Variants in KCNS3 observed in about 807,000 individuals in gnomAD.
KCNS3 encodes the protein potassium voltage-gated channel modifier subfamily S member 3, also known as delayed-rectifier potassium channel regulatory subunit KCNS3.
Under a neutral mutation model 31.0 loss-of-function variants are expected in KCNS3, and 13 were observed. That is an observed-to-expected ratio of 0.42 (90% CI 0.27 to 0.67). The LOEUF is 0.67. Among genes scored for constraint, KCNS3 ranks in the 30% least tolerant of loss-of-function variants. The probability of loss-of-function intolerance (pLI) is 0.25; values close to 1 mark genes in which losing one functional copy is unlikely to be tolerated. For synonymous variants in KCNS3, 238 were observed against 241.5 expected (o/e 0.99, Z 0.13); for missense variants, 545 against 622.4 (o/e 0.88, Z 1.32).
intron 2 of KCNS3, among the ~76,000 whole-genome samples, chr2:17,929,896 A>G (rs751224927): frequency 5.3e-5 from 8 of 152,122 alleles, no homozygotes; most frequent in Non-Finnish European, 7.4e-5. Flanking sequence ...CAGCTACCAT[A>G]TAGTGTTGGA....
At chr2:17,910,720 A>G (rs769391318) in intron 1 of KCNS3, among the ~76,000 whole-genome samples, 1 of 151,900 alleles carries the variant, frequency 6.6e-6, no homozygotes, top group Non-Finnish European at 1.5e-5. Context: ...TAAATCTTTC[A>G]GGAGGCCCGA....
intron 1 of KCNS3, among the ~76,000 whole-genome samples, chr2:17,907,105 T>C (rs1009111607): frequency 6.6e-6 from 1 of 152,256 alleles, no homozygotes; most frequent in Admixed American, 6.5e-5. Context: ...AGTCTCTTTG[T>C]AGATCTCTAA....
In KCNS3 at chr2:17,903,977, A is replaced by G. The variant is rs565317760; in HGVS notation, c.-251-13703A>G. The stretch of plus-strand genomic sequence containing the variant: ...TAATCCTTTGGGTATATACCCAGTA[A>G]TGGGATGGCTGGGTCAAATGGTATT... On this transcript the variant is annotated intron_variant, in intron 1 of 2. Coordinates refer to ENST00000304101, the MANE Select transcript of KCNS3 (RefSeq NM_002252.5). Among the ~76,000 whole-genome samples the G allele has an allele frequency of 8.5e-5, 13 of 152,232 alleles. No individual in the cohort carries two copies. In the South Asian group the frequency reaches 2.7e-3, roughly 32 times the overall value.
At chr2:17,894,271 G>A (rs563451313) in intron 1 of KCNS3, among the ~76,000 whole-genome samples, 2 of 152,046 alleles carry the variant, frequency 1.3e-5, no homozygotes, top group Admixed American at 6.5e-5. Context: ...ACCAGGACCG[G>A]AGCACTATAT....
In KCNS3 at chr2:17,932,765, C is replaced by T; in HGVS notation, c.*281C>T. ...TATTGGGTGGGGTTTGTGGCTACAG[C>T]TTATGCATCATTCTGTGTTTGTCAT... is the stretch of plus-strand genomic sequence containing the variant. On this transcript the variant is annotated 3_prime_UTR_variant, in exon 3 of 3. Coordinates refer to ENST00000304101, the MANE Select transcript of KCNS3 (RefSeq NM_002252.5). 3.2e-6 allele frequency: 1 copy of T among 312,062 alleles called. No individual in the cohort carries two copies. Among genetic ancestry groups the T allele is most frequent in the South Asian group, 6.7e-5 (1 of 14,930 alleles). 19.3% of individuals were successfully genotyped at this position (312,062 alleles called of 1,614,324 possible). A position where few individuals can be genotyped will look rare whatever the true frequency, so the allele number is the denominator to read the frequency against.
chr2:17,931,319 A>G lies in KCNS3; in HGVS notation c.311A>G (p.Glu104Gly). Residue 104 changes from glutamate (E) to glycine (G), a missense_variant, in exon 3 of 3, where the codon GAG becomes GGG. Coordinates refer to ENST00000304101, the MANE Select transcript of KCNS3 (RefSeq NM_002252.5). This position sits in a 1 kb window ranked among gnomAD's most constrained non-coding sequence, Gnocchi z 5.4. ...GTATTCTCATTCTGCCAGGAGATCG[A>G]GTACTGGGGCATCAACGAGCTCTTC... ...LCVFSFCQEI[E>G]YWGINELFID... 1 of 1,614,170 alleles carries G rather than the reference A, an allele frequency of 6.2e-7. No individual in the cohort carries two copies. The highest frequency in any genetic ancestry group is 8.5e-7 in the Non-Finnish European group (1 of 1,180,020).
chr2:17,907,919 G>A (rs10190042), intron 1 of KCNS3, among the ~76,000 whole-genome samples: 139,414 of 152,142 alleles, frequency 0.92, 64,058 homozygotes, highest in East Asian at 0.99. Context: ...AACTTTGGTG[G>A]ATCTGACAAT....
At chr2:17,923,465 A>AT (rs1662768450) in intron 2 of KCNS3, among the ~76,000 whole-genome samples, 1 of 151,968 alleles carries the variant, frequency 6.6e-6, no homozygotes, top group Admixed American at 6.5e-5. Context: ...TTTGAAGTGC[A>AT]TTTTACATTT....
intron 1 of KCNS3, among the ~76,000 whole-genome samples, chr2:17,885,154 C>G (rs1661611732): frequency 6.6e-6 from 1 of 152,042 alleles, no homozygotes; most frequent in Admixed American, 6.6e-5. Context: ...TTCAAATTAG[C>G]TTAAATAGAG....
intron 1 of KCNS3, among the ~76,000 whole-genome samples, chr2:17,907,424 C>T (rs2125243545): frequency 6.6e-6 from 1 of 152,290 alleles, no homozygotes; most frequent in South Asian, 2.1e-4. Context: ...ATTTGCCAGT[C>T]TGTGTCTTTT....
chr2:17,932,547 AACCT>A lies in KCNS3; in HGVS notation c.*64_*67del. On this transcript the variant is annotated 3_prime_UTR_variant, in exon 3 of 3. Transcript: ENST00000304101. Reference sequence around the variant, plus strand: ...GACATTAGGTTAACACAGCTTTATAAACCTCAGTGGGTTCGTTAAAATCATTTAA... The same window carrying A: ...GACATTAGGTTAACACAGCTTTATAACAGTGGGTTCGTTAAAATCATTTAA... 1 of 1,511,356 alleles carries A rather than the reference AACCT, an allele frequency of 6.6e-7. No homozygotes were observed. Among genetic ancestry groups the A allele is most frequent in the Middle Eastern group, 2.0e-4 (1 of 4,978 alleles). The allele number at this position is 1,511,356 out of a possible 1,614,324, so 93.6% of individuals were successfully genotyped here.
At chr2:17,911,468 T>G (rs1409382327) in intron 1 of KCNS3, among the ~76,000 whole-genome samples, 1 of 152,250 alleles carries the variant, frequency 6.6e-6, no homozygotes, top group East Asian at 1.9e-4. Flanking sequence ...GAGCTGCTTA[T>G]GACCTTTTAT....
chr2:17,920,613 GT>G (rs1401031904), intron 2 of KCNS3, among the ~76,000 whole-genome samples: 8 of 152,332 alleles, frequency 5.3e-5, no homozygotes, highest in Middle Eastern at 6.8e-3. Context: ...GAGGGACAAG[GT>G]GGTCAAATAC....
At chr2:17,917,478 A>G (rs2125248820) in intron 1 of KCNS3, among the ~76,000 whole-genome samples, 2 of 152,256 alleles carry the variant, frequency 1.3e-5, no homozygotes, top group Middle Eastern at 6.8e-3. Context: ...TTGAGTTCTG[A>G]GGATCCTTAA....
chr2:17,920,740 A>G (rs1008191960), intron 2 of KCNS3, among the ~76,000 whole-genome samples: 2 of 152,230 alleles, frequency 1.3e-5, no homozygotes, highest in Non-Finnish European at 2.9e-5. Flanking sequence ...TGGGTCTTCT[A>G]CTTTGTGGCC....
intron 1 of KCNS3, among the ~76,000 whole-genome samples, chr2:17,880,882 C>T (rs893029467): frequency 4.6e-5 from 7 of 152,188 alleles, no homozygotes; most frequent in Non-Finnish European, 8.8e-5. Flanking sequence ...ACGTGCATCC[C>T]TCTGTTCTAC....
chr2:17,913,407 AT>A (rs1662517529), intron 1 of KCNS3, among the ~76,000 whole-genome samples: 1 of 152,276 alleles, frequency 6.6e-6, no homozygotes, highest in Admixed American at 6.5e-5. Context: ...GCAGCAGGCT[AT>A]AGATCTGAAA....
intron 1 of KCNS3, among the ~76,000 whole-genome samples, chr2:17,894,209 C>T (rs1160396820): frequency 6.6e-6 from 1 of 151,910 alleles, no homozygotes; most frequent in Non-Finnish European, 1.5e-5. Context: ...TCAGACTGCC[C>T]CACCAAAGCA....
At position 17,932,800 on chromosome 2, in the gene KCNS3, T is replaced by C. The variant is rs114049563; in HGVS notation, c.*316T>C. 6.6e-3 allele frequency: 1,481 copies of C among 225,952 alleles called. 24 individuals carry two copies. The highest frequency in any genetic ancestry group is 0.032 in the African/African-American group (1,396 of 43,402). 14.0% of individuals were successfully genotyped at this position (225,952 alleles called of 1,614,324 possible). On this transcript the variant is annotated 3_prime_UTR_variant, in exon 3 of 3. Coordinates refer to ENST00000304101, the MANE Select transcript of KCNS3 (RefSeq NM_002252.5). ...ATTCTGTGTTTGTCATTTACTCACATTGAGCTAACTTTAAATTACTGACAA... is the reference window on the plus strand; with the variant it reads ...ATTCTGTGTTTGTCATTTACTCACACTGAGCTAACTTTAAATTACTGACAA...
Sources: allele counts gnomAD v4.1 joint callset (sites outside exome capture counted in the v4.1 genomes callset), GRCh38; gene constraint gnomAD v4.1.1; non-coding constraint Gnocchi (gnomAD v3.1); transcripts MANE v1.5; gene names NCBI Gene and HGNC (gene_info 2026-07-23, HGNC 2026-07-21).